Variants in ICA1 observed in about 807,000 individuals in gnomAD.
The protein encoded by ICA1 is 69 kDa islet cell autoantigen.
Under a neutral mutation model 71.0 loss-of-function variants are expected in ICA1, and 40 were observed. That is an observed-to-expected ratio of 0.56 (90% CI 0.44 to 0.73). The LOEUF (loss-of-function observed/expected upper bound fraction) is 0.73. Among genes scored for constraint, ICA1 ranks in the 30% least tolerant of loss-of-function variants. The probability of loss-of-function intolerance (pLI) is 0.00; values close to 1 mark genes in which losing one functional copy is unlikely to be tolerated. For missense variants in ICA1, 578 were observed against 576.5 expected (o/e 1.00, Z -0.03); for synonymous variants, 207 against 209.5 (o/e 0.99, Z 0.10).
chr7:8,184,963 A>G lies in ICA1; in HGVS notation c.580-26311T>C, dbSNP rs113136580. Among the ~76,000 whole-genome samples, 666 of 152,212 alleles carry G rather than the reference A, an allele frequency of 4.4e-3. 2 individuals carry two copies. Among genetic ancestry groups the G allele is most frequent in the African/African-American group, 0.012 (480 of 41,528 alleles). On this transcript the variant is annotated intron_variant, in intron 6 of 13. Coordinates refer to ENST00000402384, the MANE Select transcript of ICA1 (RefSeq NM_001136020.3). ...GTGGCGTGCGCCTATAGTCCTAGCT[A>G]CTTGGGAGGCTGAGGTGGGAGAATT...
Position 8,228,686 on chromosome 7 carries a change from T to A in ICA1, c.184-13A>T. 6.4e-7 allele frequency: 1 copy of A among 1,574,362 alleles called. No homozygotes were observed. The highest frequency in any genetic ancestry group is 8.7e-7 in the Non-Finnish European group (1 of 1,152,418). On this transcript the variant is annotated splice_polypyrimidine_tract_variant and intron_variant, in intron 3 of 13. Coordinates refer to ENST00000402384, the MANE Select transcript of ICA1 (RefSeq NM_001136020.3). Reference sequence around the variant, plus strand: ...TTGAATGAAACAGCTGTAATAAAAATACAAACAAAATGCAAAATAAAACAG... The same window carrying A: ...TTGAATGAAACAGCTGTAATAAAAAAACAAACAAAATGCAAAATAAAACAG...
At chr7:8,142,729 T>A (rs2128128673) in intron 9 of ICA1, among the ~76,000 whole-genome samples, 1 of 152,282 alleles carries the variant, frequency 6.6e-6, no homozygotes, top group African/African-American at 2.4e-5. Context: ...GGAATTAACA[T>A]AAATAAAACA....
At chr7:8,131,420 C>T (rs7794722) in intron 12 of ICA1, among the ~76,000 whole-genome samples, 28,263 of 152,136 alleles carry the variant, frequency 0.19, 2,707 homozygotes, top group African/African-American at 0.21. Context: ...TTTTTAGTGA[C>T]AGAAAAGAGA....
intron 1 of ICA1, among the ~76,000 whole-genome samples, chr7:8,261,737 C>T (rs1442052038): frequency 7.8e-6 from 1 of 128,706 alleles, no homozygotes; most frequent in Non-Finnish European, 1.6e-5. Context: ...GCCGGGAAGG[C>T]GAGGCGCGCG....
At chr7:8,134,785 A>C (rs1299798408) in intron 12 of ICA1, among the ~76,000 whole-genome samples, 1 of 152,116 alleles carries the variant, frequency 6.6e-6, no homozygotes, top group African/African-American at 2.4e-5. Context: ...AAAATGATAT[A>C]GATTATAATA....
At chr7:8,152,484 C>A (rs1799162104) in intron 8 of ICA1, among the ~76,000 whole-genome samples, 2 of 151,414 alleles carry the variant, frequency 1.3e-5, no homozygotes, top group African/African-American at 4.9e-5. Context: ...ACCACCACAA[C>A]CATTACCGTC....
chr7:8,154,479 A>T (rs531764558), intron 8 of ICA1, among the ~76,000 whole-genome samples: 6 of 152,246 alleles, frequency 3.9e-5, no homozygotes, highest in Admixed American at 1.3e-4. Context: ...ATACACCCTG[A>T]AGCAAAGAAA....
chr7:8,206,733 G>GAA lies in ICA1; in HGVS notation c.579+11570_579+11571dup, dbSNP rs60704635. Among the ~76,000 whole-genome samples, 1,174 of 135,446 alleles carry GAA rather than the reference G, an allele frequency of 8.7e-3. 23 individuals are homozygous for GAA. The highest frequency in any genetic ancestry group is 0.035 in the African/African-American group (1,098 of 31,600). 88.9% of individuals were successfully genotyped at this position (135,446 alleles called of 152,430 possible). A position where few individuals can be genotyped will look rare whatever the true frequency, so the allele number is the denominator to read the frequency against. Reference sequence around the variant, plus strand: ...GATCTTTCTCCCACAGGTTTAAAATGAAAAAAAAAAAAAAAAAAAAAAGAA... The same window carrying GAA: ...GATCTTTCTCCCACAGGTTTAAAATGAAAAAAAAAAAAAAAAAAAAAAAAGAA... On this transcript the variant is annotated intron_variant, in intron 6 of 13. Coordinates refer to ENST00000402384, the MANE Select transcript of ICA1 (RefSeq NM_001136020.3).
chr7:8,150,537 C>T (rs554360723), intron 8 of ICA1, among the ~76,000 whole-genome samples: 3 of 152,274 alleles, frequency 2.0e-5, no homozygotes, highest in African/African-American at 7.2e-5. Context: ...GGCCTTTCGG[C>T]TATTACCAGG....
At chr7:8,204,211 C>T (rs1371560425) in intron 6 of ICA1, among the ~76,000 whole-genome samples, 2 of 152,182 alleles carry the variant, frequency 1.3e-5, no homozygotes, top group East Asian at 1.9e-4. Flanking sequence ...ACCCCAGAAA[C>T]CTTTTTTTCC....
At chr7:8,161,938 C>A (rs983813199) in intron 6 of ICA1, among the ~76,000 whole-genome samples, 2 of 152,162 alleles carry the variant, frequency 1.3e-5, no homozygotes, top group African/African-American at 4.8e-5. Flanking sequence ...AGGAAACAGA[C>A]AATGAAGGCT....
chr7:8,131,746 C>A (rs1003207756), intron 12 of ICA1, among the ~76,000 whole-genome samples: 5 of 152,130 alleles, frequency 3.3e-5, no homozygotes, highest in African/African-American at 1.2e-4. Flanking sequence ...AGGTCTGTAA[C>A]CAGACAAGTT....
At chr7:8,128,819 T>C (rs1299762949) in intron 12 of ICA1, among the ~76,000 whole-genome samples, 8 of 151,822 alleles carry the variant, frequency 5.3e-5, no homozygotes, top group African/African-American at 1.9e-4. Flanking sequence ...AGAGACACAG[T>C]TCGAGGGGCG....
At chr7:8,134,655 G>A (rs1184126741) in intron 12 of ICA1, among the ~76,000 whole-genome samples, 1 of 152,108 alleles carries the variant, frequency 6.6e-6, no homozygotes, top group Admixed American at 6.6e-5. Context: ...AGAGTAGGGG[G>A]AAGATAGGGA....
intron 6 of ICA1, among the ~76,000 whole-genome samples, chr7:8,195,227 T>C (rs1489361279): frequency 6.6e-6 from 1 of 152,128 alleles, no homozygotes; most frequent in Non-Finnish European, 1.5e-5. Context: ...CAAATGCTGG[T>C]GAGGATGTGA....
rs531550156 is a variant in ICA1, at chr7:8,118,880, A to G, written c.1331-4836T>C. 2.6e-5 allele frequency among the ~76,000 whole-genome samples: 4 copies of G among 152,206 alleles called. No individual in the cohort carries two copies. The East Asian group carries it at 5.8e-4, about 22-fold the overall frequency. The stretch of plus-strand genomic sequence containing the variant: ...CTCAACAGAGGCATGGGCATCACCT[A>G]TGTGCTGGTTAGAAATTCAAGCTCA... On this transcript the variant is annotated intron_variant, in intron 13 of 13. Coordinates refer to ENST00000402384, the MANE Select transcript of ICA1 (RefSeq NM_001136020.3).
intron 6 of ICA1, among the ~76,000 whole-genome samples, chr7:8,177,566 T>C (rs995660434): frequency 2.0e-5 from 3 of 152,232 alleles, no homozygotes; most frequent in Non-Finnish European, 4.4e-5. Context: ...TTTATTACTT[T>C]TATTTTTATT....
intron 9 of ICA1, 70 bp downstream of exon 9, chr7:8,143,805 C>A: frequency 1.0e-6 from 1 of 959,598 alleles, no homozygotes; most frequent in South Asian, 1.4e-5. Context: ...CAGCCAGGTT[C>A]GGTCAGCGAG....
At chr7:8,160,311 A>G (rs1283887521) in intron 6 of ICA1, among the ~76,000 whole-genome samples, 2 of 152,214 alleles carry the variant, frequency 1.3e-5, no homozygotes, top group Non-Finnish European at 1.5e-5. Context: ...ATAATAACTA[A>G]ATCTAACAGT....
Sources: allele counts gnomAD v4.1 joint callset (sites outside exome capture counted in the v4.1 genomes callset), GRCh38; gene constraint gnomAD v4.1.1; transcripts MANE v1.5; gene names NCBI Gene and HGNC (gene_info 2026-07-23, HGNC 2026-07-21).